The following SLC39A9 variants were observed in gnomAD, a reference collection of about 807,000 sequenced individuals.
SLC39A9 encodes the protein zinc transporter ZIP9.
SLC39A9 carries 14 observed loss-of-function variants against 28.4 expected under a neutral mutation model. The observed-to-expected ratio is 0.49, with a 90% confidence interval of 0.33 to 0.77. SLC39A9 has a LOEUF of 0.77. Among genes scored for constraint, SLC39A9 ranks in the 30% least tolerant of loss-of-function variants. The pLI is 0.02. For missense variants in SLC39A9, 283 were observed against 381.1 expected, an observed-to-expected ratio of 0.74 and a Z score of 2.14; for synonymous variants, 119 against 149.6, an observed-to-expected ratio of 0.80 and a Z score of 1.49.
At chr14:69,451,022 C>A (rs1885584865) in intron 3 of SLC39A9, among the ~76,000 whole-genome samples, 1 of 152,096 alleles carries the variant, frequency 6.6e-6, no homozygotes, top group South Asian at 2.1e-4. Flanking sequence ...TAAAAACTTT[C>A]TAATTTTAAA....
intron 2 of SLC39A9, among the ~76,000 whole-genome samples, chr14:69,428,240 C>T (rs116896306): frequency 6.6e-6 from 1 of 150,586 alleles, no homozygotes; most frequent in Non-Finnish European, 1.5e-5. Flanking sequence ...TTGTGCCATG[C>T]ACCCCATCCT....
At chr14:69,458,295 T>G in intron 6 of SLC39A9, 68 bp from the exon 7 acceptor site, 1 of 1,574,716 alleles carries the variant, frequency 6.4e-7, no homozygotes, top group African/African-American at 1.3e-5. Context: ...GTTTTTTAAC[T>G]GGGACTTCTT....
At chr14:69,447,039 T>C (rs1885361196) in intron 3 of SLC39A9, among the ~76,000 whole-genome samples, 1 of 148,644 alleles carries the variant, frequency 6.7e-6, no homozygotes. Context: ...AGTGCTGGAG[T>C]TGGAAAAATA....
Position 69,453,249 on chromosome 14 carries a change from G to T in SLC39A9, c.412G>T (p.Ala138Ser). ...TCTCATTTTCACTTTAGATCCAGAAGCAGCAAGGTCTAGCAATTCCAAAAT... is the reference window on the plus strand; with the variant it reads ...TCTCATTTTCACTTTAGATCCAGAATCAGCAAGGTCTAGCAATTCCAAAAT... ...SHVHSTDDPEAARSSNSKITT... is the reference protein window; with the variant it reads ...SHVHSTDDPESARSSNSKITT... The change falls in exon 4 of 7, where the codon GCA becomes TCA. Residue 138 changes from alanine (A) to serine (S), a missense_variant. Coordinates refer to ENST00000336643, the MANE Select transcript of SLC39A9 (RefSeq NM_018375.5). 6.2e-7 allele frequency: 1 copy of T among 1,613,810 alleles called. No homozygotes were observed. The highest frequency in any genetic ancestry group is 8.5e-7 in the Non-Finnish European group (1 of 1,179,726).
intron 2 of SLC39A9, among the ~76,000 whole-genome samples, chr14:69,438,881 C>G (rs946204163): frequency 6.6e-6 from 1 of 152,154 alleles, no homozygotes; most frequent in African/African-American, 2.4e-5. Flanking sequence ...TTAACTGTGG[C>G]TTTTTCTGTC....
At chr14:69,436,447 T>C (rs1884758475) in intron 2 of SLC39A9, among the ~76,000 whole-genome samples, 1 of 152,342 alleles carries the variant, frequency 6.6e-6, no homozygotes, top group Admixed American at 6.5e-5. Flanking sequence ...ATTTTGAATA[T>C]GATAACTTGA....
rs1373056272 is a variant in SLC39A9 at position 69,461,742 on chromosome 14, C to G, written c.*3149C>G. 6 of 1,534,834 alleles carry G rather than the reference C, an allele frequency of 3.9e-6. No homozygotes were observed. The highest frequency in any genetic ancestry group is 5.2e-6 in the Non-Finnish European group (6 of 1,146,206). On this transcript the variant is annotated 3_prime_UTR_variant, in exon 7 of 7. Transcript: ENST00000336643. ...ACCAGCATCGGAGTGTATTAAGCCC[C>G]TGAAACACATGGTAGCTAGGGACTG... is the stretch of plus-strand genomic sequence containing the variant.
At chr14:69,458,083 A>G (rs1885949605) in intron 6 of SLC39A9, among the ~76,000 whole-genome samples, 1 of 152,266 alleles carries the variant, frequency 6.6e-6, no homozygotes, top group Non-Finnish European at 1.5e-5. Context: ...CATTTTATTC[A>G]TGAATCATAA....
intron 2 of SLC39A9, among the ~76,000 whole-genome samples, chr14:69,437,137 G>T (rs1234212368): frequency 1.3e-5 from 2 of 152,122 alleles, no homozygotes; most frequent in Non-Finnish European, 2.9e-5. Flanking sequence ...AAAGTGCTGG[G>T]ATTACAAGCG....
At chr14:69,418,916 A>G (rs1268261012) in intron 1 of SLC39A9, among the ~76,000 whole-genome samples, 1 of 152,118 alleles carries the variant, frequency 6.6e-6, no homozygotes, top group East Asian at 1.9e-4. Context: ...TAGTCTTGCT[A>G]GCGGTCTATC....
intron 2 of SLC39A9, among the ~76,000 whole-genome samples, chr14:69,437,796 C>T (rs1884850092): frequency 1.3e-5 from 2 of 151,910 alleles, no homozygotes; most frequent in African/African-American, 2.4e-5. Context: ...CCATCTTGGC[C>T]AGGCTGGTCT....
At chr14:69,458,191 C>T (rs557003691) in intron 6 of SLC39A9, among the ~76,000 whole-genome samples, 172 bp from the exon 7 acceptor site, 2 of 152,206 alleles carry the variant, frequency 1.3e-5, no homozygotes, top group Non-Finnish European at 2.9e-5. Flanking sequence ...TATTCTTAAA[C>T]CCTTATTTGG....
At chr14:69,437,503 T>C (rs1594934983) in intron 2 of SLC39A9, among the ~76,000 whole-genome samples, 1 of 152,202 alleles carries the variant, frequency 6.6e-6, no homozygotes, top group Non-Finnish European at 1.5e-5. Context: ...GTCAAAATGC[T>C]CTTACTGTAA....
intron 3 of SLC39A9, among the ~76,000 whole-genome samples, chr14:69,452,221 A>G (rs1469030628): frequency 1.3e-5 from 2 of 152,230 alleles, no homozygotes; most frequent in Non-Finnish European, 2.9e-5. Context: ...ATAAGTTGGA[A>G]CTAGTTGATA....
At chr14:69,432,554 T>C (rs1384432046) in intron 2 of SLC39A9, among the ~76,000 whole-genome samples, 1 of 152,204 alleles carries the variant, frequency 6.6e-6, no homozygotes, top group Non-Finnish European at 1.5e-5. Context: ...TTTAGTTTTA[T>C]TAGGTCCTAC....
intron 1 of SLC39A9, among the ~76,000 whole-genome samples, chr14:69,423,397 T>C (rs948968319): frequency 6.6e-6 from 1 of 152,238 alleles, no homozygotes; most frequent in African/African-American, 2.4e-5. Flanking sequence ...GTGGTCATCT[T>C]TGCACAATTC....
At chr14:69,400,141 G>C (rs984046171) in intron 1 of SLC39A9, among the ~76,000 whole-genome samples, 1 of 152,204 alleles carries the variant, frequency 6.6e-6, no homozygotes, top group African/African-American at 2.4e-5. Flanking sequence ...TTTTGAGAAA[G>C]TCAAACACAC....
chr14:69,419,319 A>G (rs7159476), intron 1 of SLC39A9, among the ~76,000 whole-genome samples: 68,745 of 151,978 alleles, frequency 0.45, 15,730 homozygotes, highest in Middle Eastern at 0.59. Context: ...TTTTGAGTGA[A>G]TTTCTTAATC....
chr14:69,427,136 G>A (rs936404021), intron 2 of SLC39A9, among the ~76,000 whole-genome samples: 3 of 151,498 alleles, frequency 2.0e-5, no homozygotes, highest in Non-Finnish European at 4.4e-5. Context: ...CCAAGTAGCT[G>A]GGACTACAGG....
Sources: gnomAD v4.1 joint callset for allele counts (sites outside exome capture counted in the v4.1 genomes callset) on GRCh38, gnomAD v4.1.1 for gene constraint, MANE v1.5 for transcripts, NCBI Gene and HGNC (gene_info 2026-07-23, HGNC 2026-07-21) for gene names.